PLCB1: variants seen among roughly 807,000 people sequenced by gnomAD.
The protein encoded by PLCB1 is phospholipase C beta 1.
PLCB1 carries 46 observed loss-of-function variants against 161.8 expected under a neutral mutation model. That is an observed-to-expected ratio of 0.28 (90% CI 0.22 to 0.36). PLCB1 has a LOEUF of 0.36. Among genes scored for constraint, PLCB1 ranks in the 10% least tolerant of loss-of-function variants. The pLI is 1.00. For synonymous variants in PLCB1, 517 were observed against 503.7 expected (o/e 1.03, Z -0.35); for missense variants, 1,016 against 1,472.5 (o/e 0.69, Z 5.07).
In PLCB1 at chr20:8,296,953, C is replaced by T. The variant is rs889843143; in HGVS notation, c.178-74429C>T. On this transcript the variant is annotated intron_variant, in intron 2 of 31. Coordinates refer to ENST00000338037, the MANE Select transcript of PLCB1 (RefSeq NM_015192.4). ...TTTTTGATACAAAGTATTTTCTACT[C>T]AGTCGCAGCCTTTTCTATCTCAGTA... Among the ~76,000 whole-genome samples the T allele has an allele frequency of 2.4e-4, 37 of 152,212 alleles. 1 individual carries two copies. The highest frequency in any genetic ancestry group is 2.1e-4 in the South Asian group (1 of 4,816).
At chr20:8,838,866 T>G (rs1314442282) in intron 31 of PLCB1, among the ~76,000 whole-genome samples, 1 of 152,230 alleles carries the variant, frequency 6.6e-6, no homozygotes, top group Non-Finnish European at 1.5e-5. Context: ...TATTCCCTGG[T>G]ACTTGGTATG....
rs143282077 is a variant in PLCB1, at chr20:8,304,636, T to TTGTGTGTGTGTGTGTG, written c.178-66745_178-66730dup. On this transcript the variant is annotated intron_variant, in intron 2 of 31. Transcript: ENST00000338037. ...TTTTCCTATCTTCTTTGAGAGTGCTTTGTGTGTGTGTGTGTGGGTGTGTCC... is the reference window on the plus strand; with the variant it reads ...TTTTCCTATCTTCTTTGAGAGTGCTTTGTGTGTGTGTGTGTGTGTGTGTGTGTGTGTGGGTGTGTCC... Among the ~76,000 whole-genome samples, 79 of 150,534 alleles carry TTGTGTGTGTGTGTGTG rather than the reference T, an allele frequency of 5.2e-4. 1 individual carries two copies. Among genetic ancestry groups the TTGTGTGTGTGTGTGTG allele is most frequent in the African/African-American group, 1.7e-3 (71 of 41,072 alleles).
intron 31 of PLCB1, among the ~76,000 whole-genome samples, chr20:8,880,605 A>G (rs529114206): frequency 2.6e-5 from 4 of 152,322 alleles, no homozygotes; most frequent in Admixed American, 6.5e-5. Context: ...AAATGTATCA[A>G]GCTGCTCCTT....
intron 2 of PLCB1, among the ~76,000 whole-genome samples, chr20:8,193,651 G>A (rs140447340): frequency 6.6e-6 from 1 of 152,056 alleles, no homozygotes; most frequent in East Asian, 1.9e-4. Flanking sequence ...CATAATTTCT[G>A]AGCTGTTTCT....
chr20:8,340,491 C>T (rs997459014), intron 2 of PLCB1, among the ~76,000 whole-genome samples: 33 of 152,000 alleles, frequency 2.2e-4, no homozygotes, highest in Admixed American at 6.5e-4. Context: ...GGCGCGATCT[C>T]GGCTCACTGC....
intron 3 of PLCB1, among the ~76,000 whole-genome samples, chr20:8,445,080 G>A (rs1014327066): frequency 2.0e-5 from 3 of 152,108 alleles, no homozygotes; most frequent in Non-Finnish European, 2.9e-5. Context: ...TTTGGCTTTT[G>A]TTGCCATTGC....
intron 31 of PLCB1, among the ~76,000 whole-genome samples, chr20:8,821,597 T>C (rs1325731063): frequency 7.0e-6 from 1 of 143,260 alleles, no homozygotes; most frequent in East Asian, 2.1e-4. Flanking sequence ...GGAGAGTAGT[T>C]ATGATATATC....
chr20:8,536,058 A>C (rs1384999748), intron 3 of PLCB1, among the ~76,000 whole-genome samples: 1 of 152,092 alleles, frequency 6.6e-6, no homozygotes, highest in African/African-American at 2.4e-5. Flanking sequence ...CCCTTTGACT[A>C]TCATTTTAAG....
intron 31 of PLCB1, among the ~76,000 whole-genome samples, chr20:8,871,555 C>A (rs1304334516): frequency 6.6e-6 from 1 of 152,190 alleles, no homozygotes; most frequent in Non-Finnish European, 1.5e-5. Context: ...TTTATTTTCC[C>A]CGTATCCATT....
intron 2 of PLCB1, among the ~76,000 whole-genome samples, chr20:8,221,278 T>C (rs1476821113): frequency 6.6e-6 from 1 of 152,130 alleles, no homozygotes; most frequent in African/African-American, 2.4e-5. Context: ...CTCGATCACC[T>C]CTTTGTCAGA....
At chr20:8,616,765 A>G (rs1041681316) in intron 3 of PLCB1, among the ~76,000 whole-genome samples, 8 of 152,328 alleles carry the variant, frequency 5.3e-5, no homozygotes, top group South Asian at 4.1e-4. Context: ...AAAGAAACAG[A>G]TTCCCCCATG....
chr20:8,806,170 C>G (rs1984528235), intron 31 of PLCB1, among the ~76,000 whole-genome samples: 1 of 152,040 alleles, frequency 6.6e-6, no homozygotes, highest in Non-Finnish European at 1.5e-5. Flanking sequence ...TTTAGAAAAC[C>G]TCCAGCTCTG....
chr20:8,465,117 G>A (rs1010881497), intron 3 of PLCB1, among the ~76,000 whole-genome samples: 1 of 151,884 alleles, frequency 6.6e-6, no homozygotes, highest in Non-Finnish European at 1.5e-5. Flanking sequence ...TGTTATTTGT[G>A]CTCTTCTTAT....
At chr20:8,257,957 A>G (rs944466282) in intron 2 of PLCB1, among the ~76,000 whole-genome samples, 2 of 152,178 alleles carry the variant, frequency 1.3e-5, no homozygotes, top group Non-Finnish European at 2.9e-5. Context: ...CAGAATGTCC[A>G]TGAGACTCGT....
At chr20:8,376,934 A>G (rs1987107426) in intron 3 of PLCB1, among the ~76,000 whole-genome samples, 1 of 152,186 alleles carries the variant, frequency 6.6e-6, no homozygotes, top group Middle Eastern at 3.4e-3. Flanking sequence ...TCTCAAAAAA[A>G]AAAAAGAAAA....
intron 7 of PLCB1, 103 bp from the exon 8 acceptor site, chr20:8,657,081 G>A: frequency 1.4e-6 from 1 of 717,398 alleles, no homozygotes; most frequent in South Asian, 1.6e-5. Flanking sequence ...AGGGAAGGGG[G>A]GAAGAAAAGA....
intron 2 of PLCB1, among the ~76,000 whole-genome samples, chr20:8,206,023 C>T (rs1204670636): frequency 1.3e-5 from 2 of 151,704 alleles, no homozygotes; most frequent in Non-Finnish European, 2.9e-5. Flanking sequence ...TATGTAATAG[C>T]ATGGTTTCTT....
At chr20:8,560,322 A>T (rs1986103048) in intron 3 of PLCB1, among the ~76,000 whole-genome samples, 1 of 152,008 alleles carries the variant, frequency 6.6e-6, no homozygotes, top group South Asian at 2.1e-4. Context: ...CCTAGGTCTC[A>T]TCTTCAGACT....
intron 9 of PLCB1, among the ~76,000 whole-genome samples, chr20:8,675,307 T>TA (rs1398225130): frequency 7.2e-5 from 11 of 152,252 alleles, no homozygotes; most frequent in Admixed American, 7.2e-4. Flanking sequence ...ATTTCCCACC[T>TA]AATAAGTACC....
Sources: allele counts gnomAD v4.1 joint callset (sites outside exome capture counted in the v4.1 genomes callset), GRCh38; gene constraint gnomAD v4.1.1; transcripts MANE v1.5; gene names NCBI Gene and HGNC (gene_info 2026-07-23, HGNC 2026-07-21).